KRT79: variants seen among roughly 807,000 people sequenced by gnomAD.
KRT79 encodes keratin 79.
Under a neutral mutation model 49.0 loss-of-function variants are expected in KRT79, and 51 were observed. That is an observed-to-expected ratio of 1.04 (90% CI 0.83 to 1.31). KRT79 has a LOEUF of 1.31. Among genes scored for constraint, KRT79 ranks in the 40% most tolerant of loss-of-function variants. The pLI is 0.00. For synonymous variants in KRT79, 312 were observed against 286.6 expected (o/e 1.09, Z -0.90); for missense variants, 728 against 688.0 (o/e 1.06, Z -0.65).
At chr12:52,832,465 G>A (rs772396969) in intron 1 of KRT79, among the ~76,000 whole-genome samples, 43 of 151,708 alleles carry the variant, frequency 2.8e-4, no homozygotes, top group Admixed American at 1.7e-3. Flanking sequence ...CAGGACCCCC[G>A]AGAGTTCTTG....
intron 7 of KRT79, 68 bp from the exon 8 acceptor site, chr12:52,822,447 TC>T (rs759588683): frequency 1.9e-6 from 2 of 1,066,626 alleles, no homozygotes; most frequent in Non-Finnish European, 2.7e-6. Context: ...ACCCTCTCCT[TC>T]CCTCTGCCTT....
At position 52,821,613 on chromosome 12, in the gene KRT79, C is replaced by CGCCGTATCATTCAAA; in HGVS notation, c.*258_*259insTTTGAATGATACGGC. 2.0e-6 allele frequency: 1 copy of CGCCGTATCATTCAAA among 494,336 alleles called. No homozygotes were observed. 30.6% of individuals were successfully genotyped at this position (494,336 alleles called of 1,614,324 possible). A position where few individuals can be genotyped will look rare whatever the true frequency, so the allele number is the denominator to read the frequency against. Reference sequence around the variant, plus strand: ...AGAAATTCAGCCTCCTCTCGGTGGTCAAAAGGTCACCCCCAAGTCACCCAA... The same window carrying CGCCGTATCATTCAAA: ...AGAAATTCAGCCTCCTCTCGGTGGTCGCCGTATCATTCAAAAAAAGGTCACCCCCAAGTCACCCAA... On this transcript the variant is annotated 3_prime_UTR_variant, in exon 9 of 9. Transcript: ENST00000330553.
chr12:52,828,009 A>G (rs947730532), intron 4 of KRT79, among the ~76,000 whole-genome samples: 11 of 152,174 alleles, frequency 7.2e-5, no homozygotes, highest in Admixed American at 7.2e-4. Context: ...CCCCAAACGC[A>G]GCAAATGGCC....
intron 2 of KRT79, 158 bp from the exon 3 acceptor site, chr12:52,830,450 G>A: frequency 1.6e-6 from 1 of 617,012 alleles, no homozygotes; most frequent in Middle Eastern, 4.2e-4. Context: ...AGAAACATGG[G>A]GTCTGCCTTG....
chr12:52,824,121 C>G, intron 5 of KRT79, 77 bp downstream of exon 5: 1 of 1,611,514 alleles, frequency 6.2e-7, no homozygotes, highest in South Asian at 1.1e-5. Flanking sequence ...TCCAAGGGTC[C>G]CAGAGGCCCA....
chr12:52,824,690 A>T (rs1254410226), intron 4 of KRT79, among the ~76,000 whole-genome samples: 1 of 152,148 alleles, frequency 6.6e-6, no homozygotes, highest in Non-Finnish European at 1.5e-5. Context: ...TAGGCCTCAG[A>T]ACACCCTGTG....
intron 1 of KRT79, 108 bp from the exon 2 acceptor site, chr12:52,831,734 G>T: frequency 1.2e-6 from 1 of 825,902 alleles, no homozygotes; most frequent in Non-Finnish European, 1.9e-6. Context: ...ACATAGGGAC[G>T]CTGCAGCCGC....
intron 4 of KRT79, among the ~76,000 whole-genome samples, chr12:52,826,072 A>G (rs76144627): frequency 0.14 from 21,621 of 152,012 alleles, 1,922 homozygotes; most frequent in Middle Eastern, 0.23. Flanking sequence ...AACTGTCAGC[A>G]TCATCTTGAC....
intron 4 of KRT79, among the ~76,000 whole-genome samples, chr12:52,826,512 CA>C (rs34000434): frequency 0.52 from 53,169 of 102,502 alleles, 10,477 homozygotes; most frequent in Middle Eastern, 0.63. Context: ...GACCCTGTCT[CA>C]AAAAAAAAAA....
rs1331026656 is a variant in KRT79 at position 52,823,038 on chromosome 12, G to A, written c.1345C>T (p.Leu449Phe). 1 of 1,614,124 alleles carries A rather than the reference G, an allele frequency of 6.2e-7. No homozygotes were observed. The highest frequency in any genetic ancestry group is 8.5e-7 in the Non-Finnish European group (1 of 1,180,006). ...LDVEIATYRK[L>F]LESEESRMSG... The stretch of plus-strand genomic sequence containing the variant: ...CACCTGCTCTCCTCGCTCTCCAGAA[G>A]CTTGCGGTAGGTGGCAATCTCCACG... Residue 449 changes from leucine to phenylalanine, a missense_variant, in exon 7 of 9, where the codon CTT becomes TTT. Leu to Phe is a conservative substitution (Grantham distance 22). Transcript: ENST00000330553.
intron 4 of KRT79, among the ~76,000 whole-genome samples, chr12:52,828,915 T>C (rs1263449840): frequency 6.6e-6 from 1 of 152,128 alleles, no homozygotes; most frequent in East Asian, 1.9e-4. Context: ...AGGGCTATCA[T>C]GTGAAAGGCA....
At chr12:52,823,274 G>A (rs927250775) in intron 6 of KRT79, 38 bp from the exon 7 acceptor site, 27 of 1,540,714 alleles carry the variant, frequency 1.8e-5, no homozygotes, top group African/African-American at 2.7e-5. Flanking sequence ...CACCCTCCGG[G>A]GTCATCCCAT....
Position 52,834,286 on chromosome 12 carries a change from A to G in KRT79, c.-26T>C. On this transcript the variant is annotated 5_prime_UTR_variant, in exon 1 of 9. Transcript: ENST00000330553. ...AGCTGCAGAGGGGCCGGAGGGCAGG[A>G]TGAGAGGGCAGGAAGGGAGTGCCGT... is the stretch of plus-strand genomic sequence containing the variant. 6.3e-7 allele frequency: 1 copy of G among 1,580,748 alleles called. No individual in the cohort carries two copies. Among genetic ancestry groups the G allele is most frequent in the Non-Finnish European group, 8.7e-7 (1 of 1,151,912 alleles).
rs753941135 is a variant in KRT79, at chr12:52,821,975, CT to C, written c.1504del (p.Ser502AlafsTer37). 20 of 1,614,098 alleles carry C rather than the reference CT, an allele frequency of 1.2e-5. No homozygotes were observed. The highest frequency in any genetic ancestry group is 1.2e-4 in the South Asian group (11 of 91,094). On this transcript the variant is annotated frameshift_variant, in exon 9 of 9. Coordinates refer to ENST00000330553, the MANE Select transcript of KRT79 (RefSeq NM_175834.3). LOFTEE classifies it high-confidence loss of function. ...GSGGATKGGF[S>X]TNVGYSTVKG... ...GACGGTGCTATAGCCCACATTTGTG[CT>C]GAATCCACCCTTGGTGGCCCCCCCA...
chr12:52,827,446 AAG>A (rs1314783132), intron 4 of KRT79, among the ~76,000 whole-genome samples: 4 of 152,234 alleles, frequency 2.6e-5, no homozygotes, highest in Non-Finnish European at 5.9e-5. Flanking sequence ...ACATTCAGAA[AAG>A]AGGGGGAGAG....
chr12:52,824,324 A>G lies in KRT79; in HGVS notation c.894T>C (p.Asn298=), dbSNP rs1940147339. The change falls in exon 5 of 9, where the codon AAT becomes AAC. Residue 298 remains asparagine, a synonymous_variant. Coordinates refer to ENST00000330553, the MANE Select transcript of KRT79 (RefSeq NM_175834.3). ...SQVQTHVSNT[N]VVLSMDNNRN... ...GGTTGTTGTCCATGGACAGCACCAC[A>G]TTGGTGTTAGACACGTGGGTCTGCA... is the stretch of plus-strand genomic sequence containing the variant. The G allele has an allele frequency of 1.2e-6, 2 of 1,614,182 alleles. No homozygotes were observed. The highest frequency in any genetic ancestry group is 1.7e-6 in the Non-Finnish European group (2 of 1,180,024).
intron 5 of KRT79, 62 bp downstream of exon 5, chr12:52,824,136 T>C: frequency 6.2e-7 from 1 of 1,612,924 alleles, no homozygotes; most frequent in East Asian, 2.2e-5. Flanking sequence ...GGCCCAAGCC[T>C]CTCACGATGG....
At chr12:52,833,708 C>T (rs1412764307) in intron 1 of KRT79, 76 bp downstream of exon 1, 2 of 1,204,490 alleles carry the variant, frequency 1.7e-6, no homozygotes, top group East Asian at 2.3e-5. Flanking sequence ...CTACAGCAGC[C>T]CTGGCCCAGC....
chr12:52,833,553 C>A (rs936600940), intron 1 of KRT79, among the ~76,000 whole-genome samples: 1 of 152,240 alleles, frequency 6.6e-6, no homozygotes, highest in Non-Finnish European at 1.5e-5. Flanking sequence ...CTTGGCAAAC[C>A]GGACTCATGA....
Sources: gnomAD v4.1 joint callset for allele counts (sites outside exome capture counted in the v4.1 genomes callset) on GRCh38, gnomAD v4.1.1 for gene constraint, MANE v1.5 for transcripts, NCBI Gene and HGNC (gene_info 2026-07-23, HGNC 2026-07-21) for gene names.